XRCC4: variants seen among roughly 807,000 people sequenced by gnomAD.
The protein encoded by XRCC4 is X-ray repair cross complementing 4, also known as DNA repair protein XRCC4.
XRCC4 carries 28 observed loss-of-function variants against 39.1 expected under a neutral mutation model. The observed-to-expected ratio is 0.72, with a 90% CI of 0.53 to 0.98. The LOEUF (loss-of-function observed/expected upper bound fraction) is 0.98. Ranked by LOEUF, XRCC4 falls within the 50% of genes least tolerant of loss-of-function variation. The pLI is 0.00. For missense variants in XRCC4, 350 were observed against 376.4 expected (o/e 0.93, Z 0.58); for synonymous variants, 123 against 126.4 (o/e 0.97, Z 0.18).
At chr5:83,243,146 A>G (rs531159826) in intron 6 of XRCC4, among the ~76,000 whole-genome samples, 1 of 152,326 alleles carries the variant, frequency 6.6e-6, no homozygotes, top group Admixed American at 6.5e-5. Context: ...ACATGCTTGT[A>G]TTACTTCAAG....
At chr5:83,175,038 T>G (rs2112631214) in intron 3 of XRCC4, among the ~76,000 whole-genome samples, 1 of 152,288 alleles carries the variant, frequency 6.6e-6, no homozygotes, top group African/African-American at 2.4e-5. Context: ...AGAAAGAATG[T>G]TCAATTGAAT....
the XRCC4 span, among the ~76,000 whole-genome samples, chr5:83,365,369 C>T: frequency 6.6e-6 from 1 of 152,112 alleles, no homozygotes; most frequent in South Asian, 2.1e-4. Context: ...CATCACTTCT[C>T]ACCTTTTGCC....
intron 7 of XRCC4, among the ~76,000 whole-genome samples, chr5:83,314,060 C>A (rs1755799139): frequency 6.6e-6 from 1 of 152,018 alleles, no homozygotes. Context: ...TAATCTCATT[C>A]TTGCTTCAAA....
At chr5:83,346,305 A>C (rs1483375685) in intron 7 of XRCC4, among the ~76,000 whole-genome samples, 1 of 152,156 alleles carries the variant, frequency 6.6e-6, no homozygotes, top group Non-Finnish European at 1.5e-5. Context: ...TAATAACCTC[A>C]ACCTTCCACA....
the XRCC4 span, among the ~76,000 whole-genome samples, chr5:83,359,225 T>A: frequency 1.3e-5 from 2 of 152,132 alleles, no homozygotes; most frequent in Non-Finnish European, 2.9e-5. Context: ...GGGGAAAGAC[T>A]ACCTGGAACT....
At chr5:83,100,819 C>T (rs142458181) in intron 1 of XRCC4, among the ~76,000 whole-genome samples, 29 of 152,128 alleles carry the variant, frequency 1.9e-4, no homozygotes, top group African/African-American at 7.0e-4. Flanking sequence ...AACAGATTTT[C>T]CAGTAATTTT....
intron 2 of XRCC4, among the ~76,000 whole-genome samples, chr5:83,109,253 TA>T (rs2112392419): frequency 6.6e-6 from 1 of 151,974 alleles, no homozygotes; most frequent in South Asian, 2.1e-4. Context: ...TTTTCAAAAT[TA>T]TGGATGGAAA....
chr5:83,168,181 A>C (rs1749568975), intron 3 of XRCC4, among the ~76,000 whole-genome samples: 2 of 152,192 alleles, frequency 1.3e-5, no homozygotes, highest in Admixed American at 1.3e-4. Flanking sequence ...AGGATTGTAA[A>C]CATTGGAAAG....
intron 7 of XRCC4, among the ~76,000 whole-genome samples, chr5:83,307,008 A>T (rs952304989): frequency 6.6e-6 from 1 of 152,136 alleles, no homozygotes; most frequent in Admixed American, 6.5e-5. Context: ...TGTGCTTGGG[A>T]TTCAGAGCCT....
At chr5:83,127,916 T>C (rs1037946011) in intron 3 of XRCC4, among the ~76,000 whole-genome samples, 8 of 151,886 alleles carry the variant, frequency 5.3e-5, no homozygotes, top group Admixed American at 3.3e-4. Flanking sequence ...AGAGCATTGC[T>C]CTGCCTTCTG....
chr5:83,237,618 G>GTT (rs1752740087), intron 6 of XRCC4, among the ~76,000 whole-genome samples: 1 of 151,888 alleles, frequency 6.6e-6, no homozygotes, highest in Non-Finnish European at 1.5e-5. Flanking sequence ...AGGGTTAAGG[G>GTT]GTTCAAAAAT....
At chr5:83,213,421 G>A (rs1482714089) in intron 6 of XRCC4, among the ~76,000 whole-genome samples, 1 of 151,888 alleles carries the variant, frequency 6.6e-6, no homozygotes, top group Admixed American at 6.6e-5. Context: ...GTGACATTGG[G>A]TTTATAATAT....
intron 7 of XRCC4, among the ~76,000 whole-genome samples, chr5:83,352,088 A>G (rs953429206): frequency 1.3e-5 from 2 of 152,198 alleles, no homozygotes; most frequent in African/African-American, 4.8e-5. Flanking sequence ...TACAGTGGAC[A>G]GAATAGAAGC....
At chr5:83,103,746 A>G (rs1252925023) in intron 1 of XRCC4, among the ~76,000 whole-genome samples, 1 of 152,186 alleles carries the variant, frequency 6.6e-6, no homozygotes, top group African/African-American at 2.4e-5. Context: ...ACTTTAACAC[A>G]TAGTGTGGAT....
intron 6 of XRCC4, among the ~76,000 whole-genome samples, chr5:83,207,699 A>G (rs1041957209): frequency 1.3e-5 from 2 of 152,064 alleles, no homozygotes; most frequent in Admixed American, 1.3e-4. Flanking sequence ...AAAATGGGCC[A>G]CCCTATAATT....
At chr5:83,305,591 C>T (rs1327831017) in intron 7 of XRCC4, among the ~76,000 whole-genome samples, 1 of 152,000 alleles carries the variant, frequency 6.6e-6, no homozygotes, top group Non-Finnish European at 1.5e-5. Context: ...TACACTATGG[C>T]CCATGATATT....
At chr5:83,082,212 A>G (rs374208491) in intron 1 of XRCC4, among the ~76,000 whole-genome samples, 3 of 152,138 alleles carry the variant, frequency 2.0e-5, no homozygotes, top group Admixed American at 6.6e-5. Flanking sequence ...GTCTATTCTC[A>G]TATGTCAGCC....
chr5:83,226,894 G>T (rs1011594178), intron 6 of XRCC4, among the ~76,000 whole-genome samples: 1 of 151,802 alleles, frequency 6.6e-6, no homozygotes, highest in Non-Finnish European at 1.5e-5. Context: ...GTCAGCTTTA[G>T]AAAAGTATTG....
intron 1 of XRCC4, among the ~76,000 whole-genome samples, chr5:83,098,654 C>T (rs1745787582): frequency 6.6e-6 from 1 of 151,516 alleles, no homozygotes; most frequent in Non-Finnish European, 1.5e-5. Context: ...GGCAAACTGA[C>T]TTTGTGGTAG....
Sources: allele counts gnomAD v4.1 joint callset (sites outside exome capture counted in the v4.1 genomes callset), GRCh38; gene constraint gnomAD v4.1.1; transcripts MANE v1.5; gene names NCBI Gene and HGNC (gene_info 2026-07-23, HGNC 2026-07-21).